TIAM1: variants seen among roughly 807,000 people sequenced by gnomAD.
The protein encoded by TIAM1 is rho guanine nucleotide exchange factor TIAM1.
In TIAM1, 65 loss-of-function variants were observed where a neutral mutation model predicts 163.5. The ratio of observed to expected loss-of-function variants is 0.40; its 90% confidence interval spans 0.33 to 0.49. TIAM1 has a LOEUF of 0.49. Among genes scored for constraint, TIAM1 ranks in the 20% least tolerant of loss-of-function variants. The pLI is 0.77. For synonymous variants in TIAM1, 833 were observed against 810.1 expected, an observed-to-expected ratio of 1.03 and a Z score of -0.48; for missense variants, 1,789 against 2,044.7, an observed-to-expected ratio of 0.87 and a Z score of 2.41.
chr21:31,491,493 C>G (rs1602409342), intron 1 of TIAM1, among the ~76,000 whole-genome samples: 1 of 152,332 alleles, frequency 6.6e-6, no homozygotes, highest in South Asian at 2.1e-4. Flanking sequence ...ACGGAGAGGA[C>G]AGGCGACCAG....
intron 2 of TIAM1, among the ~76,000 whole-genome samples, chr21:31,325,160 C>T (rs1762857): frequency 0.59 from 88,573 of 151,126 alleles, 26,465 homozygotes; most frequent in South Asian, 0.69. Flanking sequence ...GGTGTGCAGC[C>T]GTAGTCCCAC....
At chr21:31,170,569 T>C (rs912051818) in intron 15 of TIAM1, among the ~76,000 whole-genome samples, 4 of 152,212 alleles carry the variant, frequency 2.6e-5, no homozygotes, top group African/African-American at 9.6e-5. Flanking sequence ...CTACCAGATC[T>C]CAAAACATAT....
chr21:31,319,238 A>AC (rs2075225580), intron 2 of TIAM1, among the ~76,000 whole-genome samples: 1 of 151,972 alleles, frequency 6.6e-6, no homozygotes, highest in South Asian at 2.1e-4. Context: ...TAAAAAAAAA[A>AC]ATACATGTTC....
chr21:31,195,261 G>A lies in TIAM1; in HGVS notation c.2538C>T (p.Ile846=). 1 of 1,613,672 alleles carries A rather than the reference G, an allele frequency of 6.2e-7. No individual in the cohort carries two copies. Among genetic ancestry groups the A allele is most frequent in the Non-Finnish European group, 8.5e-7 (1 of 1,179,726 alleles). ...CAGCTGTATCTGACTTCTCAATGTG[G>A]ATGCTCTGAGTGACTTTTGGACAGA... ...IEICPKVTQS[I]HIEKSDTAAD... The change falls in exon 13 of 28, where the codon ATC becomes ATT. Residue 846 remains isoleucine, a synonymous_variant. Transcript: ENST00000541036.
In TIAM1 at chr21:31,514,555, G is replaced by C. The variant is rs555900928; in HGVS notation, c.-422+44372C>G. 3.2e-3 allele frequency among the ~76,000 whole-genome samples: 482 copies of C among 151,796 alleles called. 6 individuals carry two copies. Among genetic ancestry groups the C allele is most frequent in the African/African-American group, 0.011 (458 of 41,410 alleles). On this transcript the variant is annotated intron_variant, in intron 1 of 28. Coordinates refer to the TIAM1 transcript ENST00000286827. ...AAAAAAAAAATAGCCAGGTGTGGTG[G>C]CAGGCACCACACCTGTAAACCCAGC... is the stretch of plus-strand genomic sequence containing the variant.
At chr21:31,228,890 C>G (rs745577620) in intron 6 of TIAM1, among the ~76,000 whole-genome samples, 2 of 152,006 alleles carry the variant, frequency 1.3e-5, no homozygotes, top group South Asian at 4.2e-4. Flanking sequence ...ACGGTGGCAG[C>G]GAGGAGAAGT....
At chr21:31,374,681 C>G (rs2300358) in intron 2 of TIAM1, among the ~76,000 whole-genome samples, 42,770 of 152,122 alleles carry the variant, frequency 0.28, 6,213 homozygotes, top group Middle Eastern at 0.51. Context: ...TCCCATCAAA[C>G]TGAAGGAAAA....
intron 2 of TIAM1, among the ~76,000 whole-genome samples, chr21:31,386,824 T>C (rs1022988700): frequency 5.9e-5 from 9 of 152,214 alleles, no homozygotes; most frequent in African/African-American, 2.2e-4. Flanking sequence ...GCTTTTGCTA[T>C]TGTTAAAAGA....
chr21:31,195,448 TAAAAGTA>T (rs985199353), intron 12 of TIAM1, 143 bp from the exon 13 acceptor site: 6 of 630,376 alleles, frequency 9.5e-6, no homozygotes, highest in African/African-American at 3.7e-5. Context: ...CGAAACTCAT[TAAAAGTA>T]AAAAGTAAAA....
chr21:31,332,761 A>G (rs1224395185), intron 2 of TIAM1, among the ~76,000 whole-genome samples: 1 of 151,864 alleles, frequency 6.6e-6, no homozygotes, highest in East Asian at 1.9e-4. Flanking sequence ...CACACTATGT[A>G]TGTGATCATT....
intron 15 of TIAM1, among the ~76,000 whole-genome samples, chr21:31,168,184 A>T (rs543809201): frequency 6.9e-6 from 1 of 145,496 alleles, no homozygotes; most frequent in Admixed American, 7.0e-5. Context: ...CCTCCGCCCC[A>T]TGGGTTCAAG....
chr21:31,438,634 G>A (rs1233936311), intron 2 of TIAM1, among the ~76,000 whole-genome samples: 1 of 152,030 alleles, frequency 6.6e-6, no homozygotes, highest in Non-Finnish European at 1.5e-5. Flanking sequence ...TCTTGCATGT[G>A]TCCTGCTCTC....
At chr21:31,513,123 C>T (rs2047267490) in intron 1 of TIAM1, among the ~76,000 whole-genome samples, 1 of 152,150 alleles carries the variant, frequency 6.6e-6, no homozygotes, top group African/African-American at 2.4e-5. Context: ...TAAAGCAATG[C>T]TATTTATTTT....
At chr21:31,195,361 A>G in intron 12 of TIAM1, 56 bp from the exon 13 acceptor site, 2 of 1,242,022 alleles carry the variant, frequency 1.6e-6, no homozygotes, top group Non-Finnish European at 2.3e-6. Context: ...ACTTTTAAAA[A>G]TGGTCATCAT....
intron 14 of TIAM1, among the ~76,000 whole-genome samples, chr21:31,184,494 G>A (rs1018058151): frequency 7.9e-5 from 12 of 152,182 alleles, no homozygotes; most frequent in African/African-American, 2.9e-4. Flanking sequence ...CAGGAGGACA[G>A]AATGGACATC....
rs367827007 is a variant in TIAM1, at chr21:31,252,102, T to G, written c.1051A>C (p.Asn351His). ...GGTGAGTAGCTGGAGTTGGTGGCAT[T>G]AGATCGCCTGGACAGGAGGTCCGTG... The part of the protein sequence containing the change: ...TDTDLLSRRS[N>H]ATNSSYSPTT... The change falls in exon 5 of 28, where the codon AAT becomes CAT. Residue 351 changes from asparagine (N) to histidine (H), a missense_variant. By Grantham distance (68) the Asn-to-His change is moderately conservative. Transcript: ENST00000541036. 3 of 1,613,666 alleles carry G rather than the reference T, an allele frequency of 1.9e-6. No homozygotes were observed. In the African/African-American group the frequency reaches 4.0e-5, roughly 22 times the overall value.
chr21:31,509,932 T>C (rs2047158518), intron 1 of TIAM1, among the ~76,000 whole-genome samples: 1 of 152,118 alleles, frequency 6.6e-6, no homozygotes, highest in Non-Finnish European at 1.5e-5. Context: ...GAGGTACTAG[T>C]GCCCAGGCAG....
intron 2 of TIAM1, among the ~76,000 whole-genome samples, chr21:31,279,722 C>G (rs377606094): frequency 1.3e-5 from 2 of 152,310 alleles, no homozygotes; most frequent in South Asian, 4.1e-4. Context: ...TATCGTTTCT[C>G]AATAAATGTT....
intron 2 of TIAM1, among the ~76,000 whole-genome samples, chr21:31,328,467 C>T (rs879418970): frequency 7.2e-5 from 11 of 152,264 alleles, no homozygotes; most frequent in Admixed American, 3.9e-4. Flanking sequence ...GCTTCCTAGG[C>T]TCACATGATC....
Sources: gnomAD v4.1 joint callset for allele counts (sites outside exome capture counted in the v4.1 genomes callset) on GRCh38, gnomAD v4.1.1 for gene constraint, MANE v1.5 for transcripts, NCBI Gene and HGNC (gene_info 2026-07-23, HGNC 2026-07-21) for gene names.